GRID2: variants seen among roughly 807,000 people sequenced by gnomAD.
GRID2 encodes the protein glutamate receptor ionotropic, delta-2.
In GRID2, 33 loss-of-function variants were observed where a neutral mutation model predicts 114.8. The observed-to-expected ratio is 0.29, with a 90% CI of 0.22 to 0.38. GRID2 has a LOEUF of 0.38. GRID2 is among the 10% of genes least tolerant of loss of function. The probability of loss-of-function intolerance (pLI) is 1.00; values close to 1 mark genes in which losing one functional copy is unlikely to be tolerated. For synonymous variants in GRID2, 505 were observed against 449.9 expected (o/e 1.12, Z -1.55); for missense variants, 1,184 against 1,257.7 (o/e 0.94, Z 0.89).
chr4:92,546,186 C>A (rs1164674898), intron 1 of GRID2, among the ~76,000 whole-genome samples: 1 of 152,092 alleles, frequency 6.6e-6, no homozygotes, highest in Admixed American at 6.6e-5. Context: ...TAACTAATTA[C>A]AGAAGTCTCT....
At chr4:93,597,148 G>A (rs997331796) in intron 13 of GRID2, among the ~76,000 whole-genome samples, 2 of 152,100 alleles carry the variant, frequency 1.3e-5, no homozygotes, top group African/African-American at 4.8e-5. Context: ...GTAAACATTG[G>A]ATTCTCAGCT....
intron 1 of GRID2, among the ~76,000 whole-genome samples, chr4:92,566,645 G>C (rs558648913): frequency 2.6e-4 from 39 of 151,962 alleles, no homozygotes; most frequent in Non-Finnish European, 5.2e-4. Flanking sequence ...TATTACTATA[G>C]AGTGATAACT....
At chr4:92,642,044 T>C (rs75108829) in intron 2 of GRID2, among the ~76,000 whole-genome samples, 1,600 of 151,334 alleles carry the variant, frequency 0.011, 31 homozygotes, top group African/African-American at 0.035. Context: ...GATAGGCGCC[T>C]AGGTTGATTT....
intron 1 of GRID2, among the ~76,000 whole-genome samples, chr4:92,384,458 ATATATATATATATATATATATTAT>A (rs1355791908): frequency 1.6e-5 from 1 of 60,898 alleles, no homozygotes; most frequent in African/African-American, 7.5e-5. Context: ...ATATATATAT[ATATATATATATATATATATATTAT>A]TTATATATAA....
rs146439960 is a variant in GRID2 at position 93,806,461 on chromosome 4, A to G, written c.222-254A>G. ...CCTAATCCAGACCTGGATGAACTCC[A>G]AAGCCCTCCTTGAAACAGGTTCTAT... On this transcript the variant is annotated intron_variant, in intron 1 of 1. Transcript: ENST00000637838. Among the ~76,000 whole-genome samples the G allele has an allele frequency of 2.0e-3, 300 of 152,334 alleles. 2 individuals are homozygous for G. Among genetic ancestry groups the G allele is most frequent in the African/African-American group, 6.4e-3 (265 of 41,576 alleles).
At chr4:93,062,418 A>G (rs185722650) in intron 2 of GRID2, among the ~76,000 whole-genome samples, 17 of 152,242 alleles carry the variant, frequency 1.1e-4, no homozygotes, top group Admixed American at 3.9e-4. Flanking sequence ...AGAGAATCAT[A>G]TTTGCTTATC....
chr4:93,144,134 A>C (rs1274434073), intron 4 of GRID2, among the ~76,000 whole-genome samples: 1 of 152,142 alleles, frequency 6.6e-6, no homozygotes, highest in Admixed American at 6.6e-5. Context: ...CATTTCTAAC[A>C]AGTTGCCAGG....
chr4:93,151,911 A>G (rs558524744), intron 4 of GRID2, among the ~76,000 whole-genome samples: 3 of 152,274 alleles, frequency 2.0e-5, no homozygotes, highest in South Asian at 4.1e-4. Flanking sequence ...TTTAAATTTA[A>G]TAAAGTATGC....
intron 2 of GRID2, among the ~76,000 whole-genome samples, chr4:92,659,139 G>A (rs1732400324): frequency 6.6e-6 from 1 of 151,480 alleles, no homozygotes; most frequent in Non-Finnish European, 1.5e-5. Context: ...CTAAAGTTAT[G>A]TATAAAACAA....
intron 1 of GRID2, among the ~76,000 whole-genome samples, chr4:92,359,379 A>G (rs1463004808): frequency 6.6e-6 from 1 of 152,018 alleles, no homozygotes; most frequent in Non-Finnish European, 1.5e-5. Context: ...CTAGCTCCAT[A>G]CTGAAATGAT....
intron 2 of GRID2, among the ~76,000 whole-genome samples, chr4:93,078,260 C>T (rs904466035): frequency 7.9e-5 from 12 of 152,146 alleles, no homozygotes; most frequent in African/African-American, 2.9e-4. Context: ...CTTCAAATTG[C>T]AGCTCTATAG....
intron 5 of GRID2, among the ~76,000 whole-genome samples, chr4:93,209,121 A>G (rs1002259332): frequency 8.6e-5 from 13 of 151,880 alleles, no homozygotes; most frequent in African/African-American, 2.7e-4. Flanking sequence ...TTTTAAGTTC[A>G]GGGGTACGTG....
intron 14 of GRID2, among the ~76,000 whole-genome samples, chr4:93,752,307 G>A (rs36045019): frequency 0.08 from 12,156 of 152,172 alleles, 639 homozygotes; most frequent in Middle Eastern, 0.16. Flanking sequence ...TAGTCAGGAA[G>A]TAATGATAAC....
intron 1 of GRID2, among the ~76,000 whole-genome samples, chr4:92,473,973 T>C (rs1395854656): frequency 2.0e-5 from 3 of 147,224 alleles, no homozygotes; most frequent in African/African-American, 7.5e-5. Context: ...GTTGTGTGTG[T>C]GTGTGTGTGT....
chr4:92,789,256 T>C (rs1387267212), intron 2 of GRID2, among the ~76,000 whole-genome samples: 5 of 151,886 alleles, frequency 3.3e-5, no homozygotes, highest in African/African-American at 7.2e-5. Context: ...CTTTGCTGTT[T>C]TGTAGCTGCA....
chr4:92,307,048 A>T (rs945627304), intron 1 of GRID2, among the ~76,000 whole-genome samples: 2 of 152,126 alleles, frequency 1.3e-5, no homozygotes. Flanking sequence ...AAAAATGATG[A>T]CGGGTAGTAT....
At chr4:93,354,671 C>CGTGTGTGTGTGTGTGTGT (rs35452796) in intron 8 of GRID2, among the ~76,000 whole-genome samples, 1 of 130,284 alleles carries the variant, frequency 7.7e-6, no homozygotes, top group Non-Finnish European at 1.6e-5. Context: ...GTGGCTCATC[C>CGTGTGTGTGTGTGTGTGT]GTGTGTGTGT....
intron 8 of GRID2, among the ~76,000 whole-genome samples, chr4:93,285,664 G>A (rs1191292357): frequency 1.3e-5 from 2 of 151,908 alleles, no homozygotes; most frequent in African/African-American, 4.8e-5. Flanking sequence ...TTGTCTAAAA[G>A]CAAATGAAGT....
chr4:92,435,856 TATTGC>T (rs1732712155), intron 1 of GRID2, among the ~76,000 whole-genome samples: 1 of 152,176 alleles, frequency 6.6e-6, no homozygotes, highest in Non-Finnish European at 1.5e-5. Context: ...TTGTCAGGAA[TATTGC>T]ATAGAGAGAT....
Sources: gnomAD v4.1 joint callset for allele counts (sites outside exome capture counted in the v4.1 genomes callset) on GRCh38, gnomAD v4.1.1 for gene constraint, MANE v1.5 for transcripts, NCBI Gene and HGNC (gene_info 2026-07-23, HGNC 2026-07-21) for gene names.